The following LRRTM3 variants were observed in gnomAD, a reference collection of about 807,000 sequenced individuals.
The protein encoded by LRRTM3 is leucine rich repeat transmembrane neuronal 3.
LRRTM3 carries 24 observed loss-of-function variants against 44.7 expected under a neutral mutation model. The observed-to-expected ratio is 0.54, with a 90% CI of 0.39 to 0.76. The LOEUF (loss-of-function observed/expected upper bound fraction) is 0.76, where lower values mean the gene tolerates loss of function less well. Among genes scored for constraint, LRRTM3 ranks in the 30% least tolerant of loss-of-function variants. The pLI is 0.00. For missense variants in LRRTM3, 587 were observed against 702.2 expected (o/e 0.84, Z 1.85); for synonymous variants, 277 against 278.7 (o/e 0.99, Z 0.06).
intron 2 of LRRTM3, among the ~76,000 whole-genome samples, chr10:66,995,613 C>A (rs1851283743): frequency 6.6e-6 from 1 of 152,172 alleles, no homozygotes; most frequent in Non-Finnish European, 1.5e-5. Context: ...TTGTCTACAT[C>A]TCTATATTTT....
At chr10:66,997,586 A>G (rs753515918) in intron 2 of LRRTM3, among the ~76,000 whole-genome samples, 3 of 152,164 alleles carry the variant, frequency 2.0e-5, no homozygotes, top group Non-Finnish European at 4.4e-5. Context: ...AAATACTCCT[A>G]TACACTGTTT....
chr10:66,934,844 A>G (rs1415433440), intron 2 of LRRTM3, among the ~76,000 whole-genome samples: 1 of 152,170 alleles, frequency 6.6e-6, no homozygotes, highest in Non-Finnish European at 1.5e-5. Context: ...CATCAATTAC[A>G]TCTATGCAGG....
At chr10:66,937,158 T>G (rs1847754078) in intron 2 of LRRTM3, among the ~76,000 whole-genome samples, 1 of 152,052 alleles carries the variant, frequency 6.6e-6, no homozygotes, top group Admixed American at 6.6e-5. Context: ...AGAGACAACT[T>G]TGTATACCAG....
chr10:66,938,426 AAAGT>A (rs1489248133), intron 2 of LRRTM3, among the ~76,000 whole-genome samples: 3 of 152,192 alleles, frequency 2.0e-5, no homozygotes, highest in Non-Finnish European at 4.4e-5. Context: ...ATTTTATAAT[AAAGT>A]AAGCTAGAAA....
intron 2 of LRRTM3, among the ~76,000 whole-genome samples, chr10:67,004,138 T>C (rs1158294465): frequency 6.6e-6 from 1 of 151,570 alleles, no homozygotes; most frequent in Non-Finnish European, 1.5e-5. Context: ...GCCATGGCTG[T>C]GTATCAGCCA....
Position 67,037,701 on chromosome 10 carries a change from G to A in LRRTM3, c.1537-59886G>A, listed in dbSNP as rs149439123. Among the ~76,000 whole-genome samples, 521 of 152,282 alleles carry A rather than the reference G, an allele frequency of 3.4e-3. 1 individual carries two copies. Among genetic ancestry groups the A allele is most frequent in the African/African-American group, 0.012 (486 of 41,570 alleles). On this transcript the variant is annotated intron_variant, in intron 2 of 2. Transcript: ENST00000361320. Reference sequence around the variant, plus strand: ...CCATTTTTAGAATGGAGTATTGACAGGACTTTATGACTAAATAGGTGTAGG... The same window carrying A: ...CCATTTTTAGAATGGAGTATTGACAAGACTTTATGACTAAATAGGTGTAGG...
intron 2 of LRRTM3, among the ~76,000 whole-genome samples, chr10:67,087,351 T>C (rs1341150318): frequency 6.6e-6 from 1 of 151,906 alleles, no homozygotes; most frequent in Non-Finnish European, 1.5e-5. Context: ...ACTAAAGAAT[T>C]TGAAAAACAC....
intron 2 of LRRTM3, among the ~76,000 whole-genome samples, chr10:66,942,111 A>C (rs1393829180): frequency 1.3e-5 from 2 of 152,166 alleles, no homozygotes; most frequent in Admixed American, 6.5e-5. Context: ...AATTTTGAGG[A>C]TAAATTGAGA....
intron 2 of LRRTM3, among the ~76,000 whole-genome samples, chr10:66,962,395 T>C (rs1336497304): frequency 2.7e-5 from 4 of 148,410 alleles, no homozygotes; most frequent in African/African-American, 5.0e-5. Context: ...TTTTTTTTTG[T>C]TTTGTTTTTT....
At position 67,070,405 on chromosome 10, in the gene LRRTM3, T is replaced by C. The variant is rs538370479; in HGVS notation, c.1537-27182T>C. Among the ~76,000 whole-genome samples, 6 of 152,280 alleles carry C rather than the reference T, an allele frequency of 3.9e-5. No homozygotes were observed. The South Asian group carries it at 1.0e-3, about 26-fold the overall frequency. ...TGAACAAAAGTTCTTAGTTTTAATA[T>C]AAACCAATCTCTCTCTATATATATA... is the stretch of plus-strand genomic sequence containing the variant. On this transcript the variant is annotated intron_variant, in intron 2 of 2. Coordinates refer to ENST00000361320, the MANE Select transcript of LRRTM3 (RefSeq NM_178011.5).
At chr10:67,054,263 T>C (rs1409124397) in intron 2 of LRRTM3, among the ~76,000 whole-genome samples, 1 of 152,040 alleles carries the variant, frequency 6.6e-6, no homozygotes, top group Non-Finnish European at 1.5e-5. Context: ...TGTGGAGATA[T>C]AAAAATTTAC....
At chr10:66,957,676 T>C (rs1448764346) in intron 2 of LRRTM3, among the ~76,000 whole-genome samples, 2 of 151,670 alleles carry the variant, frequency 1.3e-5, no homozygotes, top group Admixed American at 6.6e-5. Flanking sequence ...TGCAAAAATG[T>C]AGGCCGACTT....
chr10:67,078,837 A>T (rs985537749), intron 2 of LRRTM3, among the ~76,000 whole-genome samples: 2 of 152,170 alleles, frequency 1.3e-5, no homozygotes, highest in African/African-American at 4.8e-5. Context: ...TCTTAACATC[A>T]CAATTCTCAA....
rs565645126 is a variant in LRRTM3, at chr10:66,968,541, C to T, written c.1536+40089C>T. ...ATATCTAAAAAAACGTGGTTAGAAG[C>T]GATTGGATTCAGGAGTTTCTGCAAA... On this transcript the variant is annotated intron_variant, in intron 2 of 2. Coordinates refer to ENST00000361320, the MANE Select transcript of LRRTM3 (RefSeq NM_178011.5). Among the ~76,000 whole-genome samples, 13 of 151,770 alleles carry T rather than the reference C, an allele frequency of 8.6e-5. No homozygotes were observed. The South Asian group carries it at 2.3e-3, about 27-fold the overall frequency.
At chr10:67,018,967 G>A (rs1244943499) in intron 2 of LRRTM3, among the ~76,000 whole-genome samples, 2 of 152,178 alleles carry the variant, frequency 1.3e-5, no homozygotes, top group African/African-American at 4.8e-5. Flanking sequence ...GTATCAGTTT[G>A]TTAACTAGTG....
chr10:67,037,470 T>C (rs909113770), intron 2 of LRRTM3, among the ~76,000 whole-genome samples: 5 of 152,294 alleles, frequency 3.3e-5, no homozygotes, highest in African/African-American at 9.6e-5. Context: ...ATTTCTTTTC[T>C]TTAGCTTTTA....
At chr10:67,048,694 A>G (rs550702198) in intron 2 of LRRTM3, among the ~76,000 whole-genome samples, 2 of 152,224 alleles carry the variant, frequency 1.3e-5, no homozygotes, top group East Asian at 3.9e-4. Flanking sequence ...GTAAATTTCC[A>G]GGATCAAAGT....
At chr10:66,948,662 G>T (rs571534979) in intron 2 of LRRTM3, among the ~76,000 whole-genome samples, 1 of 152,128 alleles carries the variant, frequency 6.6e-6, no homozygotes, top group Non-Finnish European at 1.5e-5. Flanking sequence ...AGGACATGGG[G>T]TGTTCTATCC....
intron 2 of LRRTM3, among the ~76,000 whole-genome samples, chr10:66,942,563 T>G (rs2132686450): frequency 6.6e-6 from 1 of 151,980 alleles, no homozygotes; most frequent in African/African-American, 2.4e-5. Flanking sequence ...TCTCTCTCTC[T>G]CTCTCTCTCT....
Sources: allele counts gnomAD v4.1 joint callset (sites outside exome capture counted in the v4.1 genomes callset), GRCh38; gene constraint gnomAD v4.1.1; transcripts MANE v1.5; gene names NCBI Gene and HGNC (gene_info 2026-07-23, HGNC 2026-07-21).